CACNG3: variants seen among roughly 807,000 people sequenced by gnomAD.
CACNG3 encodes the protein voltage-dependent calcium channel gamma-3 subunit.
Under a neutral mutation model 28.5 loss-of-function variants are expected in CACNG3, and 3 were observed. That is an observed-to-expected ratio of 0.11 (90% CI 0.05 to 0.27). The LOEUF is 0.27. CACNG3 is among the 10% of genes least tolerant of loss of function. The pLI is 1.00. For missense variants in CACNG3, 236 were observed against 414.4 expected, an observed-to-expected ratio of 0.57 and a Z score of 3.74; for synonymous variants, 174 against 162.2, an observed-to-expected ratio of 1.07 and a Z score of -0.55.
intron 1 of CACNG3, among the ~76,000 whole-genome samples, chr16:24,312,927 G>GAAAGAAAGAAAGAAAGAAAGAAAGAAATA (rs1567216060): frequency 3.5e-5 from 3 of 85,566 alleles, no homozygotes; most frequent in African/African-American, 1.2e-4. Context: ...AAGGAAGAAA[G>GAAAGAAAGAAAGAAAGAAAGAAAGAAATA]AAAGAAAGAA....
chr16:24,312,767 A>G (rs1179434589), intron 1 of CACNG3, among the ~76,000 whole-genome samples: 4 of 151,906 alleles, frequency 2.6e-5, no homozygotes, highest in Non-Finnish European at 5.9e-5. Flanking sequence ...GCAGTGAGCT[A>G]TGATCCCACC....
At chr16:24,262,308 T>C (rs1317132986) in intron 1 of CACNG3, among the ~76,000 whole-genome samples, 2 of 152,020 alleles carry the variant, frequency 1.3e-5, no homozygotes, top group Admixed American at 1.3e-4. Flanking sequence ...AAGAGAGAAA[T>C]GGGATGGAGT....
Position 24,312,959 on chromosome 16 carries a change from A to G in CACNG3, c.212-33775A>G, listed in dbSNP as rs1280580761. Among the ~76,000 whole-genome samples, 1,210 of 139,666 alleles carry G rather than the reference A, an allele frequency of 8.7e-3. 15 individuals are homozygous for G. Among genetic ancestry groups the G allele is most frequent in the African/African-American group, 0.013 (471 of 37,390 alleles). The allele number at this position is 139,666 out of a possible 152,430, so 91.6% of individuals were successfully genotyped here. A position where few individuals can be genotyped will look rare whatever the true frequency, so the allele number is the denominator to read the frequency against. Reference sequence around the variant, plus strand: ...AGAAAGAAAGAAAGAAAGAAAGAGAAAGAAAGAAAAGAAAGAAAGAAATAA... The same window carrying G: ...AGAAAGAAAGAAAGAAAGAAAGAGAGAGAAAGAAAAGAAAGAAAGAAATAA... On this transcript the variant is annotated intron_variant, in intron 1 of 3. Transcript: ENST00000005284.
intron 1 of CACNG3, among the ~76,000 whole-genome samples, chr16:24,304,024 C>T (rs1055464966): frequency 2.0e-5 from 3 of 152,082 alleles, no homozygotes; most frequent in Non-Finnish European, 4.4e-5. Flanking sequence ...TAGAGAGACC[C>T]CCATTTTTAA....
intron 1 of CACNG3, among the ~76,000 whole-genome samples, chr16:24,275,783 T>C (rs1898745211): frequency 6.6e-6 from 1 of 152,228 alleles, no homozygotes; most frequent in African/African-American, 2.4e-5. Context: ...TTACACTGTG[T>C]AATGAAATGT....
chr16:24,306,603 A>C (rs2141362525), intron 1 of CACNG3, among the ~76,000 whole-genome samples: 1 of 152,248 alleles, frequency 6.6e-6, no homozygotes, highest in African/African-American at 2.4e-5. Context: ...AGAAGCCTTC[A>C]TGGACACTCT....
chr16:24,282,234 C>G (rs936836631), intron 1 of CACNG3, among the ~76,000 whole-genome samples: 3 of 152,124 alleles, frequency 2.0e-5, no homozygotes, highest in Non-Finnish European at 4.4e-5. Flanking sequence ...ATGAATTAAA[C>G]AGTGGAACAG....
chr16:24,357,174 C>T (rs968411992), intron 3 of CACNG3, among the ~76,000 whole-genome samples: 14 of 147,006 alleles, frequency 9.5e-5, no homozygotes, highest in African/African-American at 3.5e-4. Flanking sequence ...GCAGAGGTTG[C>T]AGTGAGCCAA....
At chr16:24,287,514 C>CAAA (rs748719520) in intron 1 of CACNG3, among the ~76,000 whole-genome samples, 4 of 31,274 alleles carry the variant, frequency 1.3e-4, no homozygotes, top group Non-Finnish European at 2.2e-4. Context: ...CGAGACTCTC[C>CAAA]AAAAAAAAAA....
In CACNG3 at chr16:24,361,929, A is replaced by G; in HGVS notation, c.*66A>G. 1.4e-6 allele frequency: 2 copies of G among 1,440,540 alleles called. No individual in the cohort carries two copies. 89.2% of individuals were successfully genotyped at this position (1,440,540 alleles called of 1,614,324 possible). ...GGGGAAGTGTACAGAGATGTCTCTG[A>G]GGTTGCATGGCATGGTCCTTGTGAT... On this transcript the variant is annotated 3_prime_UTR_variant, in exon 4 of 4. Transcript: ENST00000005284. The surrounding 1 kb of genome is among the most constrained non-coding windows in gnomAD (Gnocchi z 6.8).
At chr16:24,345,846 T>C (rs534207991) in intron 1 of CACNG3, among the ~76,000 whole-genome samples, 288 of 152,338 alleles carry the variant, frequency 1.9e-3, no homozygotes, top group African/African-American at 6.7e-3. Context: ...GAGTGTCCTG[T>C]GGTCAGATAT....
chr16:24,277,300 C>A (rs541736946), intron 1 of CACNG3, among the ~76,000 whole-genome samples: 6 of 152,234 alleles, frequency 3.9e-5, no homozygotes, highest in African/African-American at 9.6e-5. Flanking sequence ...CAGTAGCTCT[C>A]GACAGGAACA....
At chr16:24,267,956 C>T (rs1437870417) in intron 1 of CACNG3, among the ~76,000 whole-genome samples, 3 of 152,332 alleles carry the variant, frequency 2.0e-5, no homozygotes, top group Admixed American at 6.5e-5. Context: ...CAGCCGTGAG[C>T]TACCGTGCCC....
chr16:24,325,020 C>T (rs1234188296), intron 1 of CACNG3, among the ~76,000 whole-genome samples: 1 of 152,168 alleles, frequency 6.6e-6, no homozygotes, highest in Admixed American at 6.5e-5. Context: ...TTCCATTGTC[C>T]TCCCCATCCC....
At chr16:24,357,495 A>C (rs1359296621) in intron 3 of CACNG3, among the ~76,000 whole-genome samples, 1 of 152,176 alleles carries the variant, frequency 6.6e-6, no homozygotes, top group South Asian at 2.1e-4. Context: ...GGAGCCCCAC[A>C]AGATCTTGCT....
intron 1 of CACNG3, among the ~76,000 whole-genome samples, chr16:24,339,515 A>G (rs1241493482): frequency 6.6e-6 from 1 of 151,784 alleles, no homozygotes; most frequent in Admixed American, 6.6e-5. Context: ...CACCCTGAGT[A>G]TCTGGGACTA....
intron 1 of CACNG3, among the ~76,000 whole-genome samples, chr16:24,311,378 C>T (rs1899260231): frequency 6.6e-6 from 1 of 151,856 alleles, no homozygotes; most frequent in South Asian, 2.1e-4. Context: ...AGCATGGTGG[C>T]ACCACCTGTA....
chr16:24,264,770 C>T (rs1043384634), intron 1 of CACNG3, among the ~76,000 whole-genome samples: 1 of 152,094 alleles, frequency 6.6e-6, no homozygotes, highest in East Asian at 1.9e-4. Context: ...GTTTTAACAA[C>T]CAAAAGTGAC....
chr16:24,325,109 T>C (rs1002737575), intron 1 of CACNG3, among the ~76,000 whole-genome samples: 2 of 152,180 alleles, frequency 1.3e-5, no homozygotes, highest in African/African-American at 4.8e-5. Context: ...AGGGCAGATA[T>C]TTACTGAGTG....
Sources: gnomAD v4.1 joint callset for allele counts (sites outside exome capture counted in the v4.1 genomes callset) on GRCh38, gnomAD v4.1.1 for gene constraint, Gnocchi (gnomAD v3.1) non-coding constraint, MANE v1.5 for transcripts, NCBI Gene and HGNC (gene_info 2026-07-23, HGNC 2026-07-21) for gene names.